ULK4: variants seen among roughly 807,000 people sequenced by gnomAD.
ULK4 encodes inactive serine/threonine-protein kinase ULK4.
A neutral mutation model predicts 160.6 loss-of-function variants in ULK4; 133 were observed. That is an observed-to-expected ratio of 0.83 (90% CI 0.72 to 0.96). The LOEUF is 0.96. Ranked by LOEUF, ULK4 falls within the 40% of genes least tolerant of loss-of-function variation. The pLI, the probability that ULK4 is intolerant of heterozygous loss-of-function variation, is 0.00. For missense variants in ULK4, 1,580 were observed against 1,499.5 expected (o/e 1.05, Z -0.89); for synonymous variants, 534 against 539.8 (o/e 0.99, Z 0.15).
intron 35 of ULK4, among the ~76,000 whole-genome samples, chr3:41,390,156 C>T (rs538606136): frequency 2.6e-5 from 4 of 152,286 alleles, no homozygotes; most frequent in South Asian, 2.1e-4. Context: ...AGTTTATTTG[C>T]TTAGAGGTAT....
At chr3:41,591,318 G>T (rs986733946) in intron 31 of ULK4, among the ~76,000 whole-genome samples, 2 of 151,984 alleles carry the variant, frequency 1.3e-5, no homozygotes, top group Non-Finnish European at 2.9e-5. Context: ...CAGTATCTCT[G>T]CATGGAAAAA....
intron 31 of ULK4, 64 bp from the exon 32 acceptor site, chr3:41,566,194 A>G (rs1273879209): frequency 7.1e-7 from 1 of 1,409,020 alleles, no homozygotes; most frequent in African/African-American, 1.4e-5. Context: ...CGTAAAGACA[A>G]ATAAGCAAAT....
intron 34 of ULK4, among the ~76,000 whole-genome samples, chr3:41,449,853 T>C (rs1278583594): frequency 6.7e-6 from 1 of 149,630 alleles, no homozygotes; most frequent in East Asian, 2.0e-4. Context: ...AATCATCAGA[T>C]GTTCAGGCGA....
At chr3:41,421,103 T>A (rs1236724893) in intron 34 of ULK4, among the ~76,000 whole-genome samples, 1 of 143,608 alleles carries the variant, frequency 7.0e-6, no homozygotes, top group Non-Finnish European at 1.5e-5. Flanking sequence ...AACAAATAAG[T>A]GAGACCCCAT....
intron 34 of ULK4, among the ~76,000 whole-genome samples, chr3:41,449,189 A>G (rs1370543671): frequency 2.0e-5 from 3 of 152,040 alleles, no homozygotes; most frequent in Non-Finnish European, 4.4e-5. Flanking sequence ...AAGTGCTGGG[A>G]TTACAGTTGT....
At chr3:41,752,262 A>G (rs991115654) in intron 22 of ULK4, among the ~76,000 whole-genome samples, 4 of 152,162 alleles carry the variant, frequency 2.6e-5, no homozygotes, top group African/African-American at 7.2e-5. Context: ...TTGAGAAGCT[A>G]TATTAGTTGT....
chr3:41,775,642 A>C (rs986927946), intron 21 of ULK4, among the ~76,000 whole-genome samples: 1 of 150,452 alleles, frequency 6.6e-6, no homozygotes, highest in Non-Finnish European at 1.5e-5. Flanking sequence ...CAGGTGATCC[A>C]CCCACCTCAG....
At chr3:41,655,885 T>C (rs2034919364) in intron 30 of ULK4, among the ~76,000 whole-genome samples, 2 of 152,212 alleles carry the variant, frequency 1.3e-5, no homozygotes, top group South Asian at 4.1e-4. Flanking sequence ...AAAATTTGAA[T>C]TGAAATATAA....
intron 32 of ULK4, among the ~76,000 whole-genome samples, chr3:41,491,092 T>A (rs889788442): frequency 2.3e-4 from 35 of 152,304 alleles, no homozygotes; most frequent in African/African-American, 8.2e-4. Context: ...ACAAGAACTG[T>A]CCAAGGTCTA....
chr3:41,258,134 A>T (rs1449817204), intron 35 of ULK4, among the ~76,000 whole-genome samples: 1 of 152,156 alleles, frequency 6.6e-6, no homozygotes, highest in Non-Finnish European at 1.5e-5. Flanking sequence ...GCCCTCTTTT[A>T]GAAACATTAG....
chr3:41,917,420 C>T (rs961540048), intron 7 of ULK4, among the ~76,000 whole-genome samples: 2 of 152,158 alleles, frequency 1.3e-5, no homozygotes, highest in Non-Finnish European at 1.5e-5. Context: ...CACCACTGCA[C>T]TCCAGCCTGA....
At chr3:41,561,894 T>C (rs2087587173) in intron 32 of ULK4, among the ~76,000 whole-genome samples, 1 of 152,208 alleles carries the variant, frequency 6.6e-6, no homozygotes, top group Non-Finnish European at 1.5e-5. Context: ...ATTTCTTGCC[T>C]TCTGCTAGCT....
intron 34 of ULK4, among the ~76,000 whole-genome samples, chr3:41,453,892 C>T (rs2083477598): frequency 1.3e-5 from 2 of 151,566 alleles, no homozygotes; most frequent in South Asian, 4.2e-4. Flanking sequence ...ATGGATGAAG[C>T]TGGAAACCAT....
intron 22 of ULK4, among the ~76,000 whole-genome samples, chr3:41,750,668 CTTT>C (rs2038589735): frequency 6.6e-6 from 1 of 151,982 alleles, no homozygotes; most frequent in Admixed American, 6.6e-5. Flanking sequence ...AAAATTCCTT[CTTT>C]GTCTCTTCCA....
rs1385981840 is a variant in ULK4 at position 41,706,409 on chromosome 3, TTAAA to T, written c.2635-1108_2635-1105del. On this transcript the variant is annotated intron_variant, in intron 25 of 36. Coordinates refer to ENST00000301831, the MANE Select transcript of ULK4 (RefSeq NM_017886.4). The stretch of plus-strand genomic sequence containing the variant: ...ATTTATATATATTAAATATATATAA[TTAAA>T]TATATATTAAACAAAATAACATATA... Among the ~76,000 whole-genome samples, 13 of 146,530 alleles carry T rather than the reference TTAAA, an allele frequency of 8.9e-5. No homozygotes were observed. In the East Asian group the frequency reaches 2.3e-3, roughly 26 times the overall value.
At chr3:41,696,886 T>C (rs1033564186) in intron 27 of ULK4, among the ~76,000 whole-genome samples, 2 of 152,142 alleles carry the variant, frequency 1.3e-5, no homozygotes, top group Admixed American at 6.5e-5. Flanking sequence ...TTGAAGATGC[T>C]GCTCTGCTGG....
At chr3:41,554,341 A>G (rs1289110987) in intron 32 of ULK4, among the ~76,000 whole-genome samples, 1 of 152,178 alleles carries the variant, frequency 6.6e-6, no homozygotes, top group African/African-American at 2.4e-5. Flanking sequence ...AGATAACGTA[A>G]TATCTATACA....
intron 5 of ULK4, among the ~76,000 whole-genome samples, chr3:41,925,629 A>C (rs1163307328): frequency 1.3e-5 from 2 of 152,164 alleles, no homozygotes; most frequent in East Asian, 1.9e-4. Context: ...ACCCCCACGG[A>C]GCCCAGCAAG....
chr3:41,638,868 C>A (rs576697147), intron 30 of ULK4, among the ~76,000 whole-genome samples: 1 of 152,286 alleles, frequency 6.6e-6, no homozygotes, highest in Admixed American at 6.5e-5. Flanking sequence ...CTGCCAGTGG[C>A]AGGTGTATGC....
Sources: gnomAD v4.1 joint callset for allele counts (sites outside exome capture counted in the v4.1 genomes callset) on GRCh38, gnomAD v4.1.1 for gene constraint, MANE v1.5 for transcripts, NCBI Gene and HGNC (gene_info 2026-07-23, HGNC 2026-07-21) for gene names.